NCKAP5: variants seen among roughly 807,000 people sequenced by gnomAD.
The protein encoded by NCKAP5 is nck-associated protein 5.
Under a neutral mutation model 167.0 loss-of-function variants are expected in NCKAP5, and 92 were observed. The observed-to-expected ratio is 0.55, with a 90% CI of 0.47 to 0.66. The LOEUF (loss-of-function observed/expected upper bound fraction) is 0.66, where lower values mean the gene tolerates loss of function less well. NCKAP5 is among the 30% of genes least tolerant of loss of function. The pLI is 0.00. For synonymous variants in NCKAP5, 891 were observed against 877.4 expected, an observed-to-expected ratio of 1.02 and a Z score of -0.27; for missense variants, 2,378 against 2,315.0, an observed-to-expected ratio of 1.03 and a Z score of -0.56.
chr2:133,426,998 G>T (rs1367990831), intron 3 of NCKAP5, among the ~76,000 whole-genome samples: 2 of 152,184 alleles, frequency 1.3e-5, no homozygotes, highest in Non-Finnish European at 2.9e-5. Context: ...AAGGCGGTCA[G>T]CAAATTTTCC....
At chr2:133,320,555 C>A (rs139995921) in intron 3 of NCKAP5, among the ~76,000 whole-genome samples, 9 of 152,146 alleles carry the variant, frequency 5.9e-5, no homozygotes, top group African/African-American at 2.2e-4. Context: ...GGTGAAACCC[C>A]GTCTCTACTA....
chr2:132,845,445 A>G (rs1456402260), intron 11 of NCKAP5, among the ~76,000 whole-genome samples: 1 of 152,176 alleles, frequency 6.6e-6, no homozygotes, highest in Non-Finnish European at 1.5e-5. Flanking sequence ...TAGGGTATTA[A>G]CCCATGTAAA....
intron 4 of NCKAP5, among the ~76,000 whole-genome samples, chr2:133,219,102 T>C (rs533242796): frequency 3.3e-5 from 5 of 152,156 alleles, no homozygotes; most frequent in African/African-American, 4.8e-5. Context: ...GTAAAATACA[T>C]AAAAACTAGA....
chr2:133,061,602 G>A (rs1019927327), intron 6 of NCKAP5, among the ~76,000 whole-genome samples: 3 of 152,204 alleles, frequency 2.0e-5, no homozygotes, highest in Admixed American at 1.3e-4. Context: ...AGCACAGCTA[G>A]GACTTGAACT....
At chr2:133,435,711 G>A (rs552665399) in intron 3 of NCKAP5, among the ~76,000 whole-genome samples, 12 of 152,278 alleles carry the variant, frequency 7.9e-5, no homozygotes, top group Admixed American at 2.6e-4. Context: ...CTGAATAATC[G>A]GTTTAATTTG....
chr2:132,866,375 T>C (rs555300119), intron 10 of NCKAP5, among the ~76,000 whole-genome samples: 52 of 152,314 alleles, frequency 3.4e-4, no homozygotes, highest in Non-Finnish European at 6.2e-4. Context: ...TAATTCGCAC[T>C]TGTAGACTTG....
chr2:133,617,382 A>G, the NCKAP5 span, among the ~76,000 whole-genome samples: 5 of 150,590 alleles, frequency 3.3e-5, no homozygotes, highest in African/African-American at 1.2e-4. Flanking sequence ...TGCAGACGAC[A>G]TGATTGTATA....
At chr2:133,619,101 AC>A in the NCKAP5 span, among the ~76,000 whole-genome samples, 1 of 134,164 alleles carries the variant, frequency 7.5e-6, no homozygotes, top group African/African-American at 2.7e-5. Context: ...TGGGAATTGA[AC>A]AATGAGAACA....
intron 3 of NCKAP5, among the ~76,000 whole-genome samples, chr2:133,379,002 A>C (rs1194078867): frequency 2.0e-5 from 3 of 152,192 alleles, no homozygotes; most frequent in Non-Finnish European, 4.4e-5. Context: ...AGAAGAATAA[A>C]TCCTGGTGCT....
intron 4 of NCKAP5, among the ~76,000 whole-genome samples, chr2:133,242,184 A>G (rs886337560): frequency 4.6e-5 from 7 of 151,152 alleles, no homozygotes; most frequent in African/African-American, 1.5e-4. Flanking sequence ...TGAATTACAC[A>G]TCCACCTTCT....
intron 3 of NCKAP5, among the ~76,000 whole-genome samples, chr2:133,389,478 G>A (rs1687243153): frequency 6.6e-6 from 1 of 152,184 alleles, no homozygotes; most frequent in Non-Finnish European, 1.5e-5. Flanking sequence ...AGAACTGTTA[G>A]CAACAGAACA....
chr2:133,395,274 G>A (rs1687665218), intron 3 of NCKAP5, among the ~76,000 whole-genome samples: 1 of 152,182 alleles, frequency 6.6e-6, no homozygotes, highest in African/African-American at 2.4e-5. Context: ...TTAACTCAAT[G>A]TCATCCAGAA....
chr2:133,320,464 C>A (rs1358242609), intron 3 of NCKAP5, among the ~76,000 whole-genome samples: 1 of 152,174 alleles, frequency 6.6e-6, no homozygotes, highest in Non-Finnish European at 1.5e-5. Context: ...TGCGGTGGCT[C>A]ACGCCTGTAA....
chr2:132,887,365 TTCCA>T (rs142512555), intron 8 of NCKAP5, among the ~76,000 whole-genome samples: 192 of 133,892 alleles, frequency 1.4e-3, no homozygotes, highest in African/African-American at 4.3e-3. Context: ...CCATCCATCT[TTCCA>T]TCCATCCATC....
chr2:133,394,112 A>G (rs1687593163), intron 3 of NCKAP5, among the ~76,000 whole-genome samples: 1 of 152,226 alleles, frequency 6.6e-6, no homozygotes, highest in African/African-American at 2.4e-5. Flanking sequence ...GGTGGTTCAC[A>G]TAAGCAATAA....
intron 4 of NCKAP5, among the ~76,000 whole-genome samples, chr2:133,236,467 G>A (rs1190052041): frequency 1.3e-5 from 2 of 152,080 alleles, no homozygotes; most frequent in East Asian, 1.9e-4. Flanking sequence ...AATTAGGAAC[G>A]CAAGGGATTT....
chr2:133,201,002 A>G (rs1452407170), intron 5 of NCKAP5, among the ~76,000 whole-genome samples: 1 of 152,206 alleles, frequency 6.6e-6, no homozygotes, highest in East Asian at 1.9e-4. Flanking sequence ...TTATGATAAA[A>G]TTTAGTTTCT....
At chr2:132,994,359 T>G (rs529932199) in intron 6 of NCKAP5, 120 bp from the exon 7 acceptor site, 1 of 673,106 alleles carries the variant, frequency 1.5e-6, no homozygotes, top group African/African-American at 1.8e-5. Flanking sequence ...GAAATCTCTT[T>G]TCTCTCTACT....
At chr2:132,855,630 TG>T (rs1359065314) in intron 11 of NCKAP5, among the ~76,000 whole-genome samples, 1 of 152,206 alleles carries the variant, frequency 6.6e-6, no homozygotes, top group African/African-American at 2.4e-5. Flanking sequence ...TCTTAGTTTG[TG>T]TCTCAAGAGA....
Sources: gnomAD v4.1 joint callset for allele counts (sites outside exome capture counted in the v4.1 genomes callset) on GRCh38, gnomAD v4.1.1 for gene constraint, MANE v1.5 for transcripts, NCBI Gene and HGNC (gene_info 2026-07-23, HGNC 2026-07-21) for gene names.